The following MYO16 variants were observed in gnomAD, a reference collection of about 807,000 sequenced individuals.
MYO16 encodes unconventional myosin-XVI.
A neutral mutation model predicts 205.3 loss-of-function variants in MYO16; 94 were observed. That is an observed-to-expected ratio of 0.46 (90% confidence interval 0.39 to 0.54). The LOEUF is 0.54. Ranked by LOEUF, MYO16 falls within the 20% of genes least tolerant of loss-of-function variation. The pLI is 0.00. For synonymous variants in MYO16, 988 were observed against 954.0 expected (o/e 1.04, Z -0.66); for missense variants, 2,315 against 2,387.5 (o/e 0.97, Z 0.63).
chr13:109,097,264 G>A (rs1162613854), intron 27 of MYO16, among the ~76,000 whole-genome samples: 1 of 151,518 alleles, frequency 6.6e-6, no homozygotes, highest in Non-Finnish European at 1.5e-5. Context: ...AGGAGGCAGA[G>A]GTTGCGGTCA....
intron 3 of MYO16, among the ~76,000 whole-genome samples, chr13:108,716,109 CTG>C (rs1452284652): frequency 3.9e-5 from 6 of 152,176 alleles, no homozygotes; most frequent in Non-Finnish European, 7.3e-5. Context: ...ATCTCAAAAA[CTG>C]TGGCTGTCTT....
At chr13:108,638,543 C>T (rs539268676) in intron 1 of MYO16, among the ~76,000 whole-genome samples, 35 of 152,100 alleles carry the variant, frequency 2.3e-4, no homozygotes, top group Non-Finnish European at 3.8e-4. Flanking sequence ...CACATTTTCA[C>T]TCAGTGACCA....
chr13:109,153,521 A>G (rs1471500015), intron 32 of MYO16, among the ~76,000 whole-genome samples: 1 of 152,144 alleles, frequency 6.6e-6, no homozygotes, highest in African/African-American at 2.4e-5. Context: ...CACTTTGGGA[A>G]GCCAAGACCG....
rs796334774 is a variant in MYO16, at chr13:109,102,096, C to CT, written c.3438+1219dup. Among the ~76,000 whole-genome samples the CT allele has an allele frequency of 6.1e-3, 904 of 148,500 alleles. 7 individuals are homozygous for CT. Among genetic ancestry groups the CT allele is most frequent in the African/African-American group, 0.021 (835 of 40,664 alleles). On this transcript the variant is annotated intron_variant, in intron 28 of 34. Coordinates refer to ENST00000457511, the MANE Select transcript of MYO16 (RefSeq NM_001198950.3). ...TTTCTTTGTTATCTTTTTTCCTTTT[C>CT]TTTTTTTTTTAACTAATAATGAAAT...
At chr13:109,159,512 TATTA>T (rs1405887437) in intron 32 of MYO16, among the ~76,000 whole-genome samples, 4 of 152,226 alleles carry the variant, frequency 2.6e-5, no homozygotes, top group East Asian at 1.9e-4. Context: ...TTTCAACAAA[TATTA>T]ATTGAGTGCC....
At chr13:109,183,820 T>C (rs977053352) in intron 34 of MYO16, among the ~76,000 whole-genome samples, 1 of 152,204 alleles carries the variant, frequency 6.6e-6, no homozygotes, top group African/African-American at 2.4e-5. Flanking sequence ...AAGATCTTAA[T>C]AAATATCCAG....
rs537386004 is a variant in MYO16 at position 109,207,236 on chromosome 13, T to C, written c.*400T>C. ...CTGTTTATTGTACTTCCAATGGTTT[T>C]ATTATAATACAGTATACGGGACATA... is the stretch of plus-strand genomic sequence containing the variant. On this transcript the variant is annotated 3_prime_UTR_variant, in exon 35 of 35. Coordinates refer to ENST00000457511, the MANE Select transcript of MYO16 (RefSeq NM_001198950.3). 40 of 179,682 alleles carry C rather than the reference T, an allele frequency of 2.2e-4. No individual in the cohort carries two copies. Among genetic ancestry groups the C allele is most frequent in the Admixed American group, 1.9e-3 (34 of 18,104 alleles). The allele number at this position is 179,682 out of a possible 1,614,324, so 11.1% of individuals were successfully genotyped here.
intron 27 of MYO16, among the ~76,000 whole-genome samples, chr13:109,068,274 G>A (rs554407522): frequency 1.3e-5 from 2 of 152,288 alleles, no homozygotes; most frequent in East Asian, 1.9e-4. Context: ...TTGTTCACAA[G>A]TTTTCTTCCC....
Position 109,055,980 on chromosome 13 carries a change from G to T in MYO16, c.3335+385G>T. Reference sequence around the variant, plus strand: ...AAAATATTATTTAGATCAGTGGTTGGCAAACTACACTCATGGGCCAGCCAA... The same window carrying T: ...AAAATATTATTTAGATCAGTGGTTGTCAAACTACACTCATGGGCCAGCCAA... On this transcript the variant is annotated intron_variant, in intron 27 of 34. Transcript: ENST00000457511. This position sits in a 1 kb window ranked among gnomAD's most constrained non-coding sequence, Gnocchi z 5.0. 1 of 163,870 alleles carries T rather than the reference G, an allele frequency of 6.1e-6. No individual in the cohort carries two copies. Among genetic ancestry groups the T allele is most frequent in the East Asian group, 1.7e-4 (1 of 5,854 alleles). The allele number at this position is 163,870 out of a possible 1,614,324, so 10.2% of individuals were successfully genotyped here. A position where few individuals can be genotyped will look rare whatever the true frequency, so the allele number is the denominator to read the frequency against.
At chr13:108,495,904 C>T in the MYO16 span, among the ~76,000 whole-genome samples, 3 of 152,004 alleles carry the variant, frequency 2.0e-5, no homozygotes, top group African/African-American at 4.8e-5. Flanking sequence ...CGCCCGGCTC[C>T]GGCGGACCCT....
At chr13:108,954,678 C>T (rs2139349172) in intron 16 of MYO16, among the ~76,000 whole-genome samples, 1 of 152,250 alleles carries the variant, frequency 6.6e-6, no homozygotes, top group Non-Finnish European at 1.5e-5. Flanking sequence ...GGAGGCAGAG[C>T]TGCACTGAGT....
At chr13:108,976,596 T>C (rs1027475209) in intron 20 of MYO16, among the ~76,000 whole-genome samples, 1 of 152,188 alleles carries the variant, frequency 6.6e-6, no homozygotes, top group Non-Finnish European at 1.5e-5. Flanking sequence ...AATTGAGTGT[T>C]GGTATAAAAT....
At chr13:109,117,454 ATATG>A (rs1374610393) in intron 28 of MYO16, among the ~76,000 whole-genome samples, 2 of 142,020 alleles carry the variant, frequency 1.4e-5, no homozygotes, top group African/African-American at 5.1e-5. Context: ...ATATGTATAT[ATATG>A]TATGTGTATA....
intron 6 of MYO16, among the ~76,000 whole-genome samples, chr13:108,794,675 G>T (rs1886729632): frequency 6.6e-6 from 1 of 152,136 alleles, no homozygotes; most frequent in African/African-American, 2.4e-5. Flanking sequence ...ACCGAAATAA[G>T]AACATTTTGC....
At chr13:108,564,710 T>A in the MYO16 span, among the ~76,000 whole-genome samples, 18 of 152,204 alleles carry the variant, frequency 1.2e-4, no homozygotes, top group Admixed American at 1.0e-3. Flanking sequence ...AGAATATTAC[T>A]CAAGAAATTT....
intron 23 of MYO16, among the ~76,000 whole-genome samples, chr13:109,027,644 A>C (rs564504002): frequency 6.6e-6 from 1 of 152,064 alleles, no homozygotes; most frequent in Admixed American, 6.5e-5. Context: ...CTCAGTTGCC[A>C]CACCATGATA....
At chr13:108,908,622 T>C (rs1306729401) in intron 15 of MYO16, among the ~76,000 whole-genome samples, 3 of 152,224 alleles carry the variant, frequency 2.0e-5, no homozygotes, top group Non-Finnish European at 4.4e-5. Flanking sequence ...CCAAATAATA[T>C]TGACAATGGA....
chr13:109,202,459 T>C (rs1358265839), intron 34 of MYO16, among the ~76,000 whole-genome samples: 1 of 152,212 alleles, frequency 6.6e-6, no homozygotes, highest in African/African-American at 2.4e-5. Context: ...CCAGTAGTGA[T>C]GTTGAGCATT....
intron 16 of MYO16, among the ~76,000 whole-genome samples, chr13:108,939,311 C>T (rs914858952): frequency 6.6e-6 from 1 of 152,206 alleles, no homozygotes; most frequent in Non-Finnish European, 1.5e-5. Flanking sequence ...ACAAAGTGCT[C>T]TCCCTCTGCC....
Sources: gnomAD v4.1 joint callset for allele counts (sites outside exome capture counted in the v4.1 genomes callset) on GRCh38, gnomAD v4.1.1 for gene constraint, Gnocchi (gnomAD v3.1) non-coding constraint, MANE v1.5 for transcripts, NCBI Gene and HGNC (gene_info 2026-07-23, HGNC 2026-07-21) for gene names.